ZNF329: variants seen among roughly 807,000 people sequenced by gnomAD.
ZNF329 encodes the protein zinc finger protein 329.
ZNF329 carries 15 observed loss-of-function variants against 26.6 expected under a neutral mutation model. The ratio of observed to expected loss-of-function variants is 0.56; its 90% confidence interval spans 0.38 to 0.87. ZNF329 has a LOEUF of 0.87. Ranked by LOEUF, ZNF329 falls within the 40% of genes least tolerant of loss-of-function variation. The pLI is 0.00. For missense variants in ZNF329, 651 were observed against 651.9 expected, an observed-to-expected ratio of 1.00 and a Z score of 0.02; for synonymous variants, 239 against 233.5, an observed-to-expected ratio of 1.02 and a Z score of -0.21.
At chr19:58,149,531 G>A (rs2075401770) in intron 1 of ZNF329, among the ~76,000 whole-genome samples, 1 of 152,132 alleles carries the variant, frequency 6.6e-6, no homozygotes. Context: ...TTTTAGAAGT[G>A]TTAAACTATT....
rs201638199 is a variant in ZNF329 at position 58,149,946 on chromosome 19, GT to G, written c.-208+805del. Among the ~76,000 whole-genome samples the G allele has an allele frequency of 7.5e-4, 114 of 152,284 alleles. 2 individuals are homozygous for G. The East Asian group carries it at 0.019, about 26-fold the overall frequency. On this transcript the variant is annotated intron_variant, in intron 1 of 3. Coordinates refer to ENST00000598312, the MANE Select transcript of ZNF329 (RefSeq NM_024620.4). Reference sequence around the variant, plus strand: ...TGATATCTGCAACTTACTTTGAAATGTTTCCAAAAATAGGTGGATTAATGAA... The same window carrying G: ...TGATATCTGCAACTTACTTTGAAATGTTCCAAAAATAGGTGGATTAATGAA...
chr19:58,131,111 A>ATGTGTGTGTGTGTGTGTG lies in ZNF329; in HGVS notation c.-8-1601_-8-1600insCACACACACACACACACA, dbSNP rs1555806890. ...GCAATTTAAATATATATACATGTATATGTGTATATGTGTGTGTGTGTGTGT... is the reference window on the plus strand; with the variant it reads ...GCAATTTAAATATATATACATGTATATGTGTGTGTGTGTGTGTGTGTGTATATGTGTGTGTGTGTGTGT... On this transcript the variant is annotated intron_variant, in intron 3 of 3. Transcript: ENST00000598312. 1.4e-3 allele frequency among the ~76,000 whole-genome samples: 209 copies of ATGTGTGTGTGTGTGTGTG among 147,612 alleles called. 1 individual carries two copies. The highest frequency in any genetic ancestry group is 4.6e-3 in the African/African-American group (185 of 40,502).
intron 3 of ZNF329, among the ~76,000 whole-genome samples, chr19:58,131,111 A>ATGTGTGTGTGTGTGTGTGTGTGTG (rs1555806890): frequency 6.1e-5 from 9 of 147,628 alleles, no homozygotes; most frequent in African/African-American, 2.2e-4. Context: ...ATACATGTAT[A>ATGTGTGTGTGTGTGTGTGTGTGTG]TGTGTATATG....
chr19:58,142,895 T>G (rs2075218317), intron 2 of ZNF329, among the ~76,000 whole-genome samples: 2 of 152,190 alleles, frequency 1.3e-5, no homozygotes, highest in Admixed American at 6.6e-5. Context: ...TCCTCCTTGG[T>G]GCCAGCAGGA....
chr19:58,149,301 A>T (rs2075396299), intron 1 of ZNF329, among the ~76,000 whole-genome samples: 1 of 152,174 alleles, frequency 6.6e-6, no homozygotes, highest in Non-Finnish European at 1.5e-5. Context: ...CTATCTATGG[A>T]GTAGCCATTT....
chr19:58,140,666 C>T (rs780505586), intron 3 of ZNF329, among the ~76,000 whole-genome samples: 22 of 152,034 alleles, frequency 1.4e-4, no homozygotes, highest in African/African-American at 4.6e-4. Context: ...CCGCCCACCC[C>T]GGCCTCCCAA....
chr19:58,147,464 G>A (rs2075344244), intron 1 of ZNF329, among the ~76,000 whole-genome samples: 1 of 147,692 alleles, frequency 6.8e-6, no homozygotes, highest in Non-Finnish European at 1.5e-5. Context: ...TCCGGGAGGT[G>A]AGGGGCGCCT....
In ZNF329 at chr19:58,128,980, T is replaced by C. The variant is rs749251184; in HGVS notation, c.524A>G (p.Tyr175Cys). ...GATGTTCTCAAAATTCTTACCTTCATACGATTTCTTGCCTCTTTTCATTAT... is the reference window on the plus strand; with the variant it reads ...GATGTTCTCAAAATTCTTACCTTCACACGATTTCTTGCCTCTTTTCATTAT... ...QKIMKRGKKS[Y>C]EGKNFENIFT... The change falls in exon 4 of 4, where the codon TAT (tyrosine) becomes TGT (cysteine). Residue 175 changes from tyrosine to cysteine, a missense_variant. By Grantham distance (194) the Tyr-to-Cys change is radical. Coordinates refer to ENST00000598312, the MANE Select transcript of ZNF329 (RefSeq NM_024620.4). 5 of 1,613,094 alleles carry C rather than the reference T, an allele frequency of 3.1e-6. No individual in the cohort carries two copies. Among genetic ancestry groups the C allele is most frequent in the Non-Finnish European group, 3.4e-6 (4 of 1,179,592 alleles).
intron 1 of ZNF329, among the ~76,000 whole-genome samples, chr19:58,147,883 T>C (rs1163192497): frequency 2.0e-5 from 3 of 151,590 alleles, no homozygotes; most frequent in Admixed American, 2.0e-4. Flanking sequence ...CACCACCCCG[T>C]CTGGGAGGTG....
intron 3 of ZNF329, among the ~76,000 whole-genome samples, chr19:58,130,198 C>T (rs1459049653): frequency 2.6e-5 from 4 of 152,070 alleles, no homozygotes; most frequent in Non-Finnish European, 5.9e-5. Flanking sequence ...TGGCACATGC[C>T]TGTAGTCCCA....
chr19:58,151,559 C>T (rs995927255), upstream of ZNF329, among the ~76,000 whole-genome samples: 2 of 149,342 alleles, frequency 1.3e-5, no homozygotes, highest in African/African-American at 5.0e-5. Context: ...TGAGATCGTA[C>T]CATCACACTC....
Position 58,141,591 on chromosome 19 carries a change from G to A in ZNF329, c.-9+966C>T, listed in dbSNP as rs114632826. On this transcript the variant is annotated intron_variant, in intron 3 of 3. Coordinates refer to ENST00000598312, the MANE Select transcript of ZNF329 (RefSeq NM_024620.4). ...ATTACAGGCATAAGCCACTGTGCCC[G>A]GCCTGGCCTAATGCTCTTGGCCAGG... Among the ~76,000 whole-genome samples the A allele has an allele frequency of 8.5e-3, 1,286 of 152,082 alleles. 19 individuals carry two copies. Among genetic ancestry groups the A allele is most frequent in the African/African-American group, 0.03 (1,232 of 41,536 alleles).
At chr19:58,134,349 G>A (rs1303089153) in intron 3 of ZNF329, among the ~76,000 whole-genome samples, 3 of 152,168 alleles carry the variant, frequency 2.0e-5, no homozygotes, top group Non-Finnish European at 4.4e-5. Context: ...CAGAAAGCTG[G>A]TAAGGGGTAA....
rs144610583 is a variant in ZNF329, at chr19:58,128,693, C to T, written c.811G>A (p.Gly271Ser). The stretch of plus-strand genomic sequence containing the variant: ...CTCTGGTGCTGTGTCAGAGCTGAGC[C>T]ATCACTGAAAGCTTTCCCACATTTA... ...CSKCGKAFSD[G>S]SALTQHQRIH... The change falls in exon 4 of 4, where the codon GGC (glycine) becomes AGC (serine). Residue 271 changes from glycine (G) to serine (S), a missense_variant. Coordinates refer to ENST00000598312, the MANE Select transcript of ZNF329 (RefSeq NM_024620.4). 6.2e-7 allele frequency: 1 copy of T among 1,605,792 alleles called. No homozygotes were observed. The highest frequency in any genetic ancestry group is 8.5e-7 in the Non-Finnish European group (1 of 1,176,112).
At chr19:58,144,357 TATC>T (rs2075253430) in intron 1 of ZNF329, among the ~76,000 whole-genome samples, 1 of 77,786 alleles carries the variant, frequency 1.3e-5, no homozygotes, top group African/African-American at 4.9e-5. Context: ...CATCTATATC[TATC>T]TATCTATCTA....
intron 1 of ZNF329, among the ~76,000 whole-genome samples, chr19:58,148,007 G>A (rs1455440200): frequency 6.6e-6 from 1 of 152,136 alleles, no homozygotes; most frequent in African/African-American, 2.4e-5. Flanking sequence ...TGTCTGTGCA[G>A]AAAGTAGACA....
intron 3 of ZNF329, among the ~76,000 whole-genome samples, chr19:58,134,992 G>A (rs2075032152): frequency 6.6e-6 from 1 of 151,900 alleles, no homozygotes; most frequent in Non-Finnish European, 1.5e-5. Flanking sequence ...AGCCAGCTAG[G>A]TTTGTAGGAA....
chr19:58,129,409 G>C lies in ZNF329; in HGVS notation c.95C>G (p.Ser32Cys). The C allele has an allele frequency of 6.2e-7, 1 of 1,614,080 alleles. No homozygotes were observed. The highest frequency in any genetic ancestry group is 1.1e-5 in the South Asian group (1 of 91,084). ...ACAGTCCCAACCATCACCTAAACTG[G>C]ACAAGCAGGGAACTTCCCTTGTGAA... ...ERFTREVPCLSSLGDGWDCEN... is the reference protein window; with the variant it reads ...ERFTREVPCLCSLGDGWDCEN... Residue 32 changes from serine to cysteine, a missense_variant, in exon 4 of 4, where the codon TCC becomes TGC. Physicochemically the swap from Ser to Cys is moderately radical, Grantham distance 112 (BLOSUM62 -1). Coordinates refer to ENST00000598312, the MANE Select transcript of ZNF329 (RefSeq NM_024620.4).
rs150316225 is a variant in ZNF329 at position 58,136,414 on chromosome 19, C to G, written c.-9+6143G>C. ...CTAGGTCAGGCATGGTGGCTCACAC[C>G]TGTAATCCCAGAACTTTTAGAGGCT... On this transcript the variant is annotated intron_variant, in intron 3 of 3. Coordinates refer to ENST00000598312, the MANE Select transcript of ZNF329 (RefSeq NM_024620.4). 3.2e-4 allele frequency among the ~76,000 whole-genome samples: 48 copies of G among 151,946 alleles called. 1 individual carries two copies. In the East Asian group the frequency reaches 8.1e-3, roughly 26 times the overall value.
Sources: gnomAD v4.1 joint callset for allele counts (sites outside exome capture counted in the v4.1 genomes callset) on GRCh38, gnomAD v4.1.1 for gene constraint, MANE v1.5 for transcripts, NCBI Gene and HGNC (gene_info 2026-07-23, HGNC 2026-07-21) for gene names.